Variants in IFT43 observed in about 807,000 individuals in gnomAD.
The protein encoded by IFT43 is intraflagellar transport protein 43 homolog.
Under a neutral mutation model 32.3 loss-of-function variants are expected in IFT43, and 33 were observed. The ratio of observed to expected loss-of-function variants is 1.02; its 90% CI spans 0.77 to 1.37. The LOEUF (loss-of-function observed/expected upper bound fraction) is 1.37. Among genes scored for constraint, IFT43 ranks in the 40% most tolerant of loss-of-function variants. The pLI is 0.00. For missense variants in IFT43, 274 were observed against 265.9 expected (o/e 1.03, Z -0.21); for synonymous variants, 93 against 98.2 (o/e 0.95, Z 0.31).
At position 75,988,871 on chromosome 14, in the gene IFT43, G is replaced by C. The variant is rs758094089; in HGVS notation, c.55-14G>C. The C allele has an allele frequency of 5.6e-6, 9 of 1,613,778 alleles. No homozygotes were observed. In the South Asian group the frequency reaches 8.8e-5, roughly 16 times the overall value. ...GACATTTGGGTCAGCAGTGCCTTCT[G>C]TTTCTCCTTACAGAGGGCCAAGATG... On this transcript the variant is annotated splice_polypyrimidine_tract_variant and intron_variant, in intron 1 of 8. Transcript: ENST00000314067.
chr14:76,058,328 A>G, intron 3 of IFT43: 1 of 355,104 alleles, frequency 2.8e-6, no homozygotes, highest in South Asian at 2.3e-5. Flanking sequence ...TAAATCAGTC[A>G]GTTAATTGCT....
intron 2 of IFT43, among the ~76,000 whole-genome samples, chr14:76,018,017 C>T (rs973088305): frequency 2.0e-5 from 3 of 151,410 alleles, no homozygotes; most frequent in East Asian, 1.9e-4. Flanking sequence ...TTTCATTGAT[C>T]GTTTGTATTT....
At chr14:76,040,107 C>G (rs568119966) in intron 3 of IFT43, among the ~76,000 whole-genome samples, 7 of 152,206 alleles carry the variant, frequency 4.6e-5, no homozygotes, top group African/African-American at 1.7e-4. Flanking sequence ...TGTGTGTCAC[C>G]ACACCCAGCT....
chr14:75,996,447 C>T (rs915142144), intron 2 of IFT43, among the ~76,000 whole-genome samples: 1 of 152,154 alleles, frequency 6.6e-6, no homozygotes, highest in Non-Finnish European at 1.5e-5. Context: ...TATTATTGTC[C>T]TTATCTGTAT....
At chr14:76,082,523 T>C in intron 6 of IFT43, 94 bp from the exon 7 acceptor site, 2 of 1,446,864 alleles carry the variant, frequency 1.4e-6, no homozygotes, top group African/African-American at 1.4e-5. Flanking sequence ...GGTCATCCCC[T>C]GCTGTATACA....
At chr14:75,999,451 A>G (rs962952503) in intron 2 of IFT43, among the ~76,000 whole-genome samples, 3 of 151,044 alleles carry the variant, frequency 2.0e-5, no homozygotes, top group African/African-American at 4.9e-5. Context: ...TTTTATATAC[A>G]TATTTATAAG....
At chr14:76,078,331 G>T (rs1254157332) in intron 5 of IFT43, among the ~76,000 whole-genome samples, 1 of 152,166 alleles carries the variant, frequency 6.6e-6, no homozygotes, top group Non-Finnish European at 1.5e-5. Flanking sequence ...AGGTTTCCCT[G>T]TTGCTTTCCA....
intron 2 of IFT43, among the ~76,000 whole-genome samples, chr14:76,010,609 A>T (rs972800019): frequency 2.0e-5 from 3 of 151,924 alleles, no homozygotes; most frequent in Non-Finnish European, 2.9e-5. Flanking sequence ...TTTATACATA[A>T]TTTTTTGCTG....
intron 2 of IFT43, among the ~76,000 whole-genome samples, chr14:75,997,761 G>T (rs949134938): frequency 3.3e-5 from 5 of 151,674 alleles, no homozygotes; most frequent in Admixed American, 2.6e-4. Flanking sequence ...TTGGGGGTGG[G>T]GGTTGGGGGG....
intron 3 of IFT43, among the ~76,000 whole-genome samples, chr14:76,054,145 T>G (rs1490158158): frequency 6.6e-6 from 1 of 152,238 alleles, no homozygotes; most frequent in Non-Finnish European, 1.5e-5. Flanking sequence ...AGGTCCCATT[T>G]CTGGAAGTTA....
At chr14:75,986,203 C>A (rs1159953506) in intron 1 of IFT43, 2 of 1,310,520 alleles carry the variant, frequency 1.5e-6, no homozygotes, top group Non-Finnish European at 2.0e-6. Context: ...GCACTCGCTC[C>A]CATCCTAGAG....
intron 5 of IFT43, among the ~76,000 whole-genome samples, chr14:76,074,979 C>T (rs2037387495): frequency 6.6e-6 from 1 of 152,120 alleles, no homozygotes; most frequent in South Asian, 2.1e-4. Flanking sequence ...TCTTTTTTCC[C>T]CAGCAGTATC....
chr14:76,056,709 C>T (rs900020266), intron 3 of IFT43, among the ~76,000 whole-genome samples: 1 of 152,162 alleles, frequency 6.6e-6, no homozygotes, highest in Non-Finnish European at 1.5e-5. Context: ...GTGACATTAG[C>T]TGTGTCATTC....
rs868110200 is a variant in IFT43, at chr14:76,082,351, G to A, written c.352G>A (p.Val118Met). The stretch of plus-strand genomic sequence containing the variant: ...ACAGGAAGAAGACTTTGTTTTGCAG[G>A]TGGCAGCCCCTCCCAGGTAGGTTAA... Reference protein sequence around the residue: ...EVQEEDFVLQVAAPPSIQIKR... With the variant: ...EVQEEDFVLQMAAPPSIQIKR... The change falls in exon 6 of 9, where the codon GTG becomes ATG. Residue 118 changes from valine to methionine, a missense_variant. By Grantham distance (21) the Val-to-Met change is conservative. Coordinates refer to ENST00000314067, the MANE Select transcript of IFT43 (RefSeq NM_001102564.3). 1.9e-6 allele frequency: 3 copies of A among 1,610,566 alleles called. No homozygotes were observed. The African/African-American group carries it at 4.0e-5, about 22-fold the overall frequency.
chr14:76,044,740 A>C (rs938887449), intron 3 of IFT43, among the ~76,000 whole-genome samples: 27 of 152,164 alleles, frequency 1.8e-4, no homozygotes, highest in African/African-American at 6.3e-4. Context: ...TTTAGGAGCT[A>C]TGTGCCAGGA....
intron 2 of IFT43, among the ~76,000 whole-genome samples, chr14:76,012,574 T>C (rs1339635234): frequency 2.6e-5 from 4 of 152,206 alleles, no homozygotes; most frequent in African/African-American, 9.6e-5. Flanking sequence ...ACATTTTTGC[T>C]GCTTTTCAGG....
chr14:76,053,447 T>G (rs1391547720), intron 3 of IFT43, among the ~76,000 whole-genome samples: 1 of 152,150 alleles, frequency 6.6e-6, no homozygotes, highest in Non-Finnish European at 1.5e-5. Flanking sequence ...GCTGAGGTAC[T>G]GGGCTTTAAA....
chr14:76,027,720 A>AT (rs1188931318), intron 3 of IFT43, among the ~76,000 whole-genome samples: 1 of 151,966 alleles, frequency 6.6e-6, no homozygotes, highest in African/African-American at 2.4e-5. Context: ...AAAAAAAAAA[A>AT]AAAAGATTCA....
intron 5 of IFT43, 140 bp downstream of exon 5, chr14:76,059,513 T>G: frequency 2.5e-6 from 2 of 794,284 alleles, no homozygotes; most frequent in South Asian, 1.4e-5. Flanking sequence ...ATGCACATCT[T>G]CATGCCTTGC....
Sources: allele counts gnomAD v4.1 joint callset (sites outside exome capture counted in the v4.1 genomes callset), GRCh38; gene constraint gnomAD v4.1.1; transcripts MANE v1.5; gene names NCBI Gene and HGNC (gene_info 2026-07-23, HGNC 2026-07-21).